HOXB2: variants seen among roughly 807,000 people sequenced by gnomAD.
HOXB2 encodes homeobox B2.
HOXB2 carries 14 observed loss-of-function variants against 13.1 expected under a neutral mutation model. The ratio of observed to expected loss-of-function variants is 1.07; its 90% CI spans 0.71 to 1.67. HOXB2 has a LOEUF of 1.67. HOXB2 is among the 40% of genes most tolerant of loss of function. The pLI, the probability that HOXB2 is intolerant of heterozygous loss-of-function variation, is 0.00. For missense variants in HOXB2, 582 were observed against 488.3 expected (o/e 1.19, Z -1.81); for synonymous variants, 261 against 233.1 (o/e 1.12, Z -1.09).
rs2068512815 is a variant in HOXB2 at position 48,542,883 on chromosome 17, A to G, written c.*185T>C. Reference sequence around the variant, plus strand: ...AACGGAATTTTTCTGTGTGAATTTTAAAAGATAACCGAGTGCCCAATATTT... The same window carrying G: ...AACGGAATTTTTCTGTGTGAATTTTGAAAGATAACCGAGTGCCCAATATTT... On this transcript the variant is annotated 3_prime_UTR_variant, in exon 2 of 2. Transcript: ENST00000330070. 2.3e-6 allele frequency: 1 copy of G among 434,752 alleles called. No homozygotes were observed. The highest frequency in any genetic ancestry group is 2.0e-5 in the African/African-American group (1 of 48,974). 26.9% of individuals were successfully genotyped at this position (434,752 alleles called of 1,614,324 possible).
At position 48,544,985 on chromosome 17, in the gene HOXB2, C is replaced by CA; in HGVS notation, c.-75dup. 3 of 1,161,982 alleles carry CA rather than the reference C, an allele frequency of 2.6e-6. No homozygotes were observed. Among genetic ancestry groups the CA allele is most frequent in the Non-Finnish European group, 3.5e-6 (3 of 846,132 alleles). The allele number at this position is 1,161,982 out of a possible 1,614,324, so 72.0% of individuals were successfully genotyped here. On this transcript the variant is annotated 5_prime_UTR_variant, in exon 1 of 2. Coordinates refer to ENST00000330070, the MANE Select transcript of HOXB2 (RefSeq NM_002145.4). Reference sequence around the variant, plus strand: ...AGGATCGGAAGGGACCCCCCTCCTGCACCCCCCCCGATTTATGTAATGGAG... The same window carrying CA: ...AGGATCGGAAGGGACCCCCCTCCTGCAACCCCCCCCGATTTATGTAATGGAG...
Position 48,543,319 on chromosome 17 carries a change from TCGA to T in HOXB2, c.817_819del (p.Ser274del), listed in dbSNP as rs1567936367. The T allele has an allele frequency of 1.9e-6, 3 of 1,599,746 alleles. No individual in the cohort carries two copies. The highest frequency in any genetic ancestry group is 1.7e-6 in the Non-Finnish European group (2 of 1,177,156). ...GCCCCGCGCAGCGCGCAGCCGGGAC[TCGA>T]CGCGCCTGCGCCCTCTAAGCGAACG... On this transcript the variant is annotated inframe_deletion, in exon 2 of 2. Coordinates refer to ENST00000330070, the MANE Select transcript of HOXB2 (RefSeq NM_002145.4).
In HOXB2 at chr17:48,543,136, G is replaced by A; in HGVS notation, c.1003C>T (p.Pro335Ser). Residue 335 changes from proline to serine, a missense_variant, in exon 2 of 2, where the codon CCT becomes TCT. Pro to Ser is a moderately conservative substitution (Grantham distance 74). Coordinates refer to ENST00000330070, the MANE Select transcript of HOXB2 (RefSeq NM_002145.4). ...SLQGSLDSPV[P>S]FSEEELDFFT... Reference sequence around the variant, plus strand: ...AAATCCAGCTCTTCCTCGGAAAAAGGGACCGGGCTGTCGAGAGAACCCTGT... The same window carrying A: ...AAATCCAGCTCTTCCTCGGAAAAAGAGACCGGGCTGTCGAGAGAACCCTGT... 1.9e-6 allele frequency: 3 copies of A among 1,613,256 alleles called. No individual in the cohort carries two copies. In the East Asian group the frequency reaches 6.7e-5, roughly 36 times the overall value.
chr17:48,543,533 C>T lies in HOXB2; in HGVS notation c.606G>A (p.Thr202=). 1 of 1,612,974 alleles carries T rather than the reference C, an allele frequency of 6.2e-7. No homozygotes were observed. Among genetic ancestry groups the T allele is most frequent in the East Asian group, 2.2e-5 (1 of 44,822 alleles). ...QNRRMKHKRQ[T]QHREPPDGEP... ...CCCCATCCGGCGGCTCTCGGTGCTG[C>T]GTCTGCCGCTTGTGCTTCATGCGCC... Residue 202 remains threonine, a synonymous_variant, in exon 2 of 2, where the codon ACG becomes ACA. Transcript: ENST00000330070.
Position 48,543,043 on chromosome 17 carries a change from G to GA in HOXB2, c.*24dup, listed in dbSNP as rs1282943843. 2 of 1,539,070 alleles carry GA rather than the reference G, an allele frequency of 1.3e-6. No individual in the cohort carries two copies. Among genetic ancestry groups the GA allele is most frequent in the African/African-American group, 2.8e-5 (2 of 71,612 alleles). The stretch of plus-strand genomic sequence containing the variant: ...TAGACGGCCAAGGAGCGCGGGGGTC[G>GA]AAAGGACCGGGAGGAGGAAACAGGT... On this transcript the variant is annotated 3_prime_UTR_variant, in exon 2 of 2. Transcript: ENST00000330070.
At position 48,544,507 on chromosome 17, in the gene HOXB2, C is replaced by T; in HGVS notation, c.391+14G>A. ...CTAGCTGCCCCTCACCCCACCCCCACCACGCTTACCGACCTGCAGGCGATC... is the reference window on the plus strand; with the variant it reads ...CTAGCTGCCCCTCACCCCACCCCCATCACGCTTACCGACCTGCAGGCGATC... On this transcript the variant is annotated intron_variant, in intron 1 of 1. Coordinates refer to ENST00000330070, the MANE Select transcript of HOXB2 (RefSeq NM_002145.4). 6.3e-7 allele frequency: 1 copy of T among 1,593,106 alleles called. No homozygotes were observed. Among genetic ancestry groups the T allele is most frequent in the South Asian group, 1.1e-5 (1 of 89,082 alleles).
At position 48,544,948 on chromosome 17, in the gene HOXB2, G is replaced by GC; in HGVS notation, c.-38dup. On this transcript the variant is annotated 5_prime_UTR_variant, in exon 1 of 2. Transcript: ENST00000330070. The stretch of plus-strand genomic sequence containing the variant: ...GTGGGGGAGGGGGCTGCTGGGGGGG[G>GC]CGTCAGGAGGGAGGATCGGAAGGGA... The GC allele has an allele frequency of 1.0e-5, 11 of 1,051,194 alleles. No homozygotes were observed. Among genetic ancestry groups the GC allele is most frequent in the African/African-American group, 1.8e-5 (1 of 54,384 alleles). 65.1% of individuals were successfully genotyped at this position (1,051,194 alleles called of 1,614,324 possible). A position where few individuals can be genotyped will look rare whatever the true frequency, so the allele number is the denominator to read the frequency against.
rs765776487 is a variant in HOXB2 at position 48,543,607 on chromosome 17, C to T, written c.532G>A (p.Ala178Thr). 1.2e-6 allele frequency: 2 copies of T among 1,613,526 alleles called. No individual in the cohort carries two copies. Among genetic ancestry groups the T allele is most frequent in the Non-Finnish European group, 1.7e-6 (2 of 1,180,006 alleles). The change falls in exon 2 of 2, where the codon GCC (alanine) becomes ACC (threonine). Residue 178 changes from alanine to threonine, a missense_variant. Transcript: ENST00000330070. ...LCRPRRVEIA[A>T]LLDLTERQVK... ...TGCCTTTCGGTGAGGTCCAGCAAGG[C>T]CGCGATCTCGACGCGGCGTGGCCGG...
chr17:48,543,851 C>CGGCGGGGGGG, intron 1 of HOXB2, 104 bp from the exon 2 acceptor site: 1 of 1,302,726 alleles, frequency 7.7e-7, no homozygotes, highest in Non-Finnish European at 1.0e-6. Flanking sequence ...TCCCCTTCCT[C>CGGCGGGGGGG]GCCACCCCAC....
Position 48,544,878 on chromosome 17 carries a change from T to C in HOXB2, c.34A>G (p.Ile12Val). 1.4e-6 allele frequency: 2 copies of C among 1,380,068 alleles called. No individual in the cohort carries two copies. Among genetic ancestry groups the C allele is most frequent in the Non-Finnish European group, 1.9e-6 (2 of 1,037,526 alleles). The allele number at this position is 1,380,068 out of a possible 1,614,324, so 85.5% of individuals were successfully genotyped here. A position where few individuals can be genotyped will look rare whatever the true frequency, so the allele number is the denominator to read the frequency against. The change falls in exon 1 of 2, where the codon ATA (isoleucine) becomes GTA (valine). Residue 12 changes from isoleucine to valine, a missense_variant. Coordinates refer to ENST00000330070, the MANE Select transcript of HOXB2 (RefSeq NM_002145.4). ...NFEFEREIGFINSQPSLAECL... is the reference protein window; with the variant it reads ...NFEFEREIGFVNSQPSLAECL... ...TCGGCGAGCGACGGCTGGCTGTTTA[T>C]AAACCCAATCTCCCTCTCAAATTCA...
rs2068555793 is a variant in HOXB2, at chr17:48,544,985, C to CG, written c.-75_-74insC. On this transcript the variant is annotated 5_prime_UTR_variant, in exon 1 of 2. Coordinates refer to ENST00000330070, the MANE Select transcript of HOXB2 (RefSeq NM_002145.4). ...AGGATCGGAAGGGACCCCCCTCCTG[C>CG]ACCCCCCCCGATTTATGTAATGGAG... is the stretch of plus-strand genomic sequence containing the variant. The CG allele has an allele frequency of 8.6e-7, 1 of 1,161,992 alleles. No individual in the cohort carries two copies. The highest frequency in any genetic ancestry group is 1.6e-5 in the South Asian group (1 of 60,982). The allele number at this position is 1,161,992 out of a possible 1,614,324, so 72.0% of individuals were successfully genotyped here. A position where few individuals can be genotyped will look rare whatever the true frequency, so the allele number is the denominator to read the frequency against.
At chr17:48,544,406 G>C in intron 1 of HOXB2, 115 bp downstream of exon 1, 1 of 1,445,378 alleles carries the variant, frequency 6.9e-7, no homozygotes, top group South Asian at 1.5e-5. Flanking sequence ...TCCCAGGAAT[G>C]GAGGGGGTAA....
Position 48,544,948 on chromosome 17 carries a change from G to GGGGGGGGGGGGGGGGGGGGC in HOXB2, c.-38_-37insGCCCCCCCCCCCCCCCCCCC. 7.4e-5 allele frequency: 78 copies of GGGGGGGGGGGGGGGGGGGGC among 1,050,910 alleles called. No homozygotes were observed. Among genetic ancestry groups the GGGGGGGGGGGGGGGGGGGGC allele is most frequent in the East Asian group, 4.4e-4 (15 of 34,440 alleles). The allele number at this position is 1,050,910 out of a possible 1,614,324, so 65.1% of individuals were successfully genotyped here. A position where few individuals can be genotyped will look rare whatever the true frequency, so the allele number is the denominator to read the frequency against. On this transcript the variant is annotated 5_prime_UTR_variant, in exon 1 of 2. Coordinates refer to ENST00000330070, the MANE Select transcript of HOXB2 (RefSeq NM_002145.4). ...GTGGGGGAGGGGGCTGCTGGGGGGG[G>GGGGGGGGGGGGGGGGGGGGC]CGTCAGGAGGGAGGATCGGAAGGGA...
chr17:48,543,803 G>T, intron 1 of HOXB2, 56 bp from the exon 2 acceptor site: 3 of 1,519,560 alleles, frequency 2.0e-6, no homozygotes, highest in South Asian at 2.5e-5. Flanking sequence ...CCCAACCTCA[G>T]TTCGGACTAC....
chr17:48,544,463 T>G (rs903517112), intron 1 of HOXB2, 58 bp downstream of exon 1: 155 of 1,517,892 alleles, frequency 1.0e-4, no homozygotes, highest in Non-Finnish European at 1.3e-4. Context: ...CTCCTTCCAC[T>G]GCTTTTTCTC....
rs745309105 is a variant in HOXB2, at chr17:48,543,054, G to A, written c.*14C>T. ...GGAGCGCGGGGGTCGAAAGGACCGGGAGGAGGAAACAGGTTAGGGAAACTG... is the reference window on the plus strand; with the variant it reads ...GGAGCGCGGGGGTCGAAAGGACCGGAAGGAGGAAACAGGTTAGGGAAACTG... On this transcript the variant is annotated 3_prime_UTR_variant, in exon 2 of 2. Coordinates refer to ENST00000330070, the MANE Select transcript of HOXB2 (RefSeq NM_002145.4). 7.7e-6 allele frequency: 12 copies of A among 1,566,674 alleles called. No individual in the cohort carries two copies. Among genetic ancestry groups the A allele is most frequent in the Non-Finnish European group, 1.0e-5 (12 of 1,157,200 alleles).
At position 48,543,762 on chromosome 17, in the gene HOXB2, G is replaced by C. The variant is rs2068532161; in HGVS notation, c.392-15C>G. On this transcript the variant is annotated splice_polypyrimidine_tract_variant and intron_variant, in intron 1 of 1. Transcript: ENST00000330070. ...TCCCAGGCCATCTGCAGGGAAAACA[G>C]GCTCGGCGTCATAGCGGGCCGTGTA... The C allele has an allele frequency of 1.9e-6, 3 of 1,578,088 alleles. No individual in the cohort carries two copies. In the East Asian group the frequency reaches 6.7e-5, roughly 35 times the overall value.
chr17:48,544,055 A>G (rs1003615975), intron 1 of HOXB2: 50 of 1,181,178 alleles, frequency 4.2e-5, no homozygotes, highest in Non-Finnish European at 5.0e-5. Context: ...GGACCCCTCA[A>G]TTCGGAACTT....
chr17:48,543,819 C>T, intron 1 of HOXB2, 72 bp from the exon 2 acceptor site: 13 of 1,481,380 alleles, frequency 8.8e-6, no homozygotes, highest in Non-Finnish European at 1.1e-5. Flanking sequence ...ACTACCCCAT[C>T]CTCCAAAACC....
Sources: allele counts gnomAD v4.1 joint callset, GRCh38; gene constraint gnomAD v4.1.1; transcripts MANE v1.5; gene names NCBI Gene and HGNC (gene_info 2026-07-23, HGNC 2026-07-21).